Variants in CSMD1 observed in about 807,000 individuals in gnomAD.
CSMD1 encodes the protein CUB and sushi domain-containing protein 1.
In CSMD1, 213 loss-of-function variants were observed where a neutral mutation model predicts 417.5. That is an observed-to-expected ratio of 0.51 (90% CI 0.46 to 0.57). The LOEUF is 0.57. Ranked by LOEUF, CSMD1 falls within the 20% of genes least tolerant of loss-of-function variation. The pLI, the probability that CSMD1 is intolerant of heterozygous loss-of-function variation, is 0.00. For synonymous variants in CSMD1, 2,862 were observed against 1,736.8 expected (o/e 1.65, Z -16.11); for missense variants, 6,923 against 4,529.7 (o/e 1.53, Z -15.17).
intron 5 of CSMD1, among the ~76,000 whole-genome samples, chr8:3,779,410 T>A (rs569818310): frequency 6.6e-6 from 1 of 152,284 alleles, no homozygotes; most frequent in South Asian, 2.1e-4. Context: ...CGATGAGCAC[T>A]ACGTAGGAGC....
chr8:3,929,209 G>C (rs1220395120), intron 5 of CSMD1, among the ~76,000 whole-genome samples: 1 of 150,212 alleles, frequency 6.7e-6, no homozygotes, highest in Non-Finnish European at 1.5e-5. Context: ...CTCTGCACAT[G>C]GTTTCTCTTA....
At chr8:3,816,129 G>C (rs2720735) in intron 5 of CSMD1, among the ~76,000 whole-genome samples, 1 of 152,020 alleles carries the variant, frequency 6.6e-6, no homozygotes, top group South Asian at 2.1e-4. Context: ...CACAACAATC[G>C]CAGGCTCAGT....
intron 2 of CSMD1, among the ~76,000 whole-genome samples, chr8:4,425,414 T>C (rs1380904667): frequency 7.9e-5 from 12 of 151,706 alleles, no homozygotes; most frequent in African/African-American, 4.8e-5. Context: ...CCAACATTAG[T>C]TGACAGGGAT....
intron 5 of CSMD1, among the ~76,000 whole-genome samples, chr8:3,963,746 T>C (rs566222460): frequency 9.9e-5 from 15 of 152,274 alleles, no homozygotes; most frequent in African/African-American, 3.1e-4. Flanking sequence ...AAAAGCTATA[T>C]GAATATCACA....
intron 1 of CSMD1, among the ~76,000 whole-genome samples, chr8:4,863,600 C>G (rs1216283332): frequency 6.6e-6 from 1 of 152,002 alleles, no homozygotes. Context: ...TCTTCATATT[C>G]TCACAAAAAC....
At chr8:3,311,654 A>G (rs1805356739) in intron 23 of CSMD1, among the ~76,000 whole-genome samples, 1 of 152,236 alleles carries the variant, frequency 6.6e-6, no homozygotes, top group Non-Finnish European at 1.5e-5. Flanking sequence ...TGCCCAAAGT[A>G]TACTTTCTAC....
intron 10 of CSMD1, among the ~76,000 whole-genome samples, chr8:3,540,040 G>C (rs984597950): frequency 1.3e-5 from 2 of 152,148 alleles, no homozygotes; most frequent in African/African-American, 2.4e-5. Context: ...GTCTGCTGCT[G>C]TGTGCACCAC....
At chr8:4,954,752 TTAA>T (rs1368982043) in intron 1 of CSMD1, among the ~76,000 whole-genome samples, 1 of 152,174 alleles carries the variant, frequency 6.6e-6, no homozygotes, top group Non-Finnish European at 1.5e-5. Flanking sequence ...AAGAGCAATA[TTAA>T]TAATAACTGC....
At chr8:4,068,069 G>C (rs1445721188) in intron 3 of CSMD1, among the ~76,000 whole-genome samples, 1 of 151,896 alleles carries the variant, frequency 6.6e-6, no homozygotes, top group African/African-American at 2.4e-5. Flanking sequence ...GACAGAGGGA[G>C]ACAACGTCTC....
chr8:3,829,912 T>C (rs547432182), intron 5 of CSMD1, among the ~76,000 whole-genome samples: 1 of 152,264 alleles, frequency 6.6e-6, no homozygotes, highest in East Asian at 1.9e-4. Context: ...ATTGGGAAAA[T>C]GAAGGCTTTT....
chr8:3,415,025 G>A (rs73657865), intron 12 of CSMD1, among the ~76,000 whole-genome samples: 2,839 of 152,220 alleles, frequency 0.019, 57 homozygotes, highest in East Asian at 0.096. Flanking sequence ...TGTAGCACCT[G>A]TTCAGAGTCA....
At chr8:3,864,354 C>A in intron 5 of CSMD1, among the ~76,000 whole-genome samples, 1 of 112,220 alleles carries the variant, frequency 8.9e-6, no homozygotes, top group African/African-American at 5.8e-5. Context: ...CATAGATAAC[C>A]ACAGAAGGGG....
At chr8:4,041,476 T>A (rs1046326749) in intron 3 of CSMD1, among the ~76,000 whole-genome samples, 1 of 152,130 alleles carries the variant, frequency 6.6e-6, no homozygotes, top group Non-Finnish European at 1.5e-5. Context: ...AGTGTAAGGA[T>A]CAAACTGTTC....
chr8:3,423,707 G>A (rs765538462), intron 12 of CSMD1, among the ~76,000 whole-genome samples: 1 of 152,192 alleles, frequency 6.6e-6, no homozygotes, highest in South Asian at 2.1e-4. Context: ...TCCATCCCAG[G>A]TCTTTGTGTG....
chr8:3,644,883 T>A (rs570392970), intron 7 of CSMD1, among the ~76,000 whole-genome samples: 1 of 145,432 alleles, frequency 6.9e-6, no homozygotes, highest in Non-Finnish European at 1.5e-5. Flanking sequence ...GCATCTGCCA[T>A]GCAGTGATTA....
chr8:4,143,630 A>C (rs13255983), intron 3 of CSMD1, among the ~76,000 whole-genome samples: 45,220 of 150,812 alleles, frequency 0.3, 8,437 homozygotes, highest in Non-Finnish European at 0.39. Flanking sequence ...GGTACACCTG[A>C]TACCGGAAGG....
At chr8:4,820,580 G>C (rs974547990) in intron 1 of CSMD1, among the ~76,000 whole-genome samples, 2 of 152,144 alleles carry the variant, frequency 1.3e-5, no homozygotes, top group Non-Finnish European at 2.9e-5. Flanking sequence ...GCAAAGAAAT[G>C]CGTGAAAACA....
intron 1 of CSMD1, among the ~76,000 whole-genome samples, chr8:4,856,462 C>G (rs1479950823): frequency 2.1e-5 from 3 of 140,550 alleles, no homozygotes; most frequent in Non-Finnish European, 4.6e-5. Flanking sequence ...TTAAAAGACA[C>G]AGACTGGCAA....
At chr8:3,259,700 C>G (rs1156261669) in intron 26 of CSMD1, among the ~76,000 whole-genome samples, 1 of 152,090 alleles carries the variant, frequency 6.6e-6, no homozygotes, top group African/African-American at 2.4e-5. Context: ...ATTGGTGAGT[C>G]TAATGCAAAT....
Sources: allele counts gnomAD v4.1 joint callset (sites outside exome capture counted in the v4.1 genomes callset), GRCh38; gene constraint gnomAD v4.1.1; transcripts MANE v1.5; gene names NCBI Gene and HGNC (gene_info 2026-07-23, HGNC 2026-07-21).